Variants in AOPEP observed in about 807,000 individuals in gnomAD.
AOPEP encodes the protein aminopeptidase O.
A neutral mutation model predicts 98.1 loss-of-function variants in AOPEP; 77 were observed. The ratio of observed to expected loss-of-function variants is 0.78; its 90% CI spans 0.65 to 0.95. AOPEP has a LOEUF of 0.95. Ranked by LOEUF, AOPEP falls within the 40% of genes least tolerant of loss-of-function variation. The pLI is 0.00. For missense variants in AOPEP, 1,024 were observed against 1,024.7 expected (o/e 1.00, Z 0.01); for synonymous variants, 346 against 365.3 (o/e 0.95, Z 0.60).
At chr9:95,096,431 T>G in the AOPEP span, among the ~76,000 whole-genome samples, 1 of 151,248 alleles carries the variant, frequency 6.6e-6, no homozygotes, top group East Asian at 2.0e-4. Flanking sequence ...GGGGAGCTGG[T>G]GGGTGCGGGA....
intron 3 of AOPEP, among the ~76,000 whole-genome samples, chr9:94,785,298 A>T (rs1382190158): frequency 6.6e-6 from 1 of 152,252 alleles, no homozygotes; most frequent in African/African-American, 2.4e-5. Flanking sequence ...GTTCTGTTAT[A>T]GCTGCAAAAA....
At chr9:95,114,471 T>A in the AOPEP span, 2 of 750,064 alleles carry the variant, frequency 2.7e-6, no homozygotes, top group Non-Finnish European at 4.8e-6. Flanking sequence ...CGTGCAGCCA[T>A]GCGCTTCCTC....
At chr9:95,119,694 AAAG>A in the AOPEP span, among the ~76,000 whole-genome samples, 1 of 151,642 alleles carries the variant, frequency 6.6e-6, no homozygotes, top group Admixed American at 6.6e-5. Context: ...GATATCTATC[AAAG>A]AATAGAAATT....
rs1010607796 is a variant in AOPEP, at chr9:94,896,912, T to G, written c.1365-27074T>G. Among the ~76,000 whole-genome samples, 56 of 4,848 alleles carry G rather than the reference T, an allele frequency of 0.012. No homozygotes were observed. The South Asian group carries it at 0.17, about 14-fold the overall frequency. 3.2% of individuals were successfully genotyped at this position (4,848 alleles called of 152,430 possible). A position where few individuals can be genotyped will look rare whatever the true frequency, so the allele number is the denominator to read the frequency against. On this transcript the variant is annotated intron_variant, in intron 5 of 16. Coordinates refer to ENST00000375315, the MANE Select transcript of AOPEP (RefSeq NM_001193329.3). ...GACAAATGTCTCAACTTTTGTGGGT[T>G]TTTTTTTTTTTTTTTGGTTTTTGGT... is the stretch of plus-strand genomic sequence containing the variant.
At chr9:94,742,438 CT>C (rs764049492) in intron 1 of AOPEP, among the ~76,000 whole-genome samples, 449 of 143,920 alleles carry the variant, frequency 3.1e-3, no homozygotes, top group Non-Finnish European at 3.0e-3. Context: ...TATATTAATT[CT>C]TTTTTTTTTT....
chr9:94,740,076 A>T (rs1448668757), intron 1 of AOPEP, among the ~76,000 whole-genome samples: 4 of 152,194 alleles, frequency 2.6e-5, no homozygotes, highest in Admixed American at 2.6e-4. Flanking sequence ...ACACAGGGCC[A>T]TATGAGGAAG....
chr9:95,133,312 C>T, the AOPEP span, among the ~76,000 whole-genome samples: 3 of 152,234 alleles, frequency 2.0e-5, no homozygotes, highest in Non-Finnish European at 4.4e-5. Flanking sequence ...CCATGAGGCA[C>T]AGAGAGGTCA....
intron 3 of AOPEP, among the ~76,000 whole-genome samples, chr9:94,789,609 G>A (rs984714082): frequency 6.6e-6 from 1 of 152,206 alleles, no homozygotes; most frequent in African/African-American, 2.4e-5. Context: ...AGTCATGGGA[G>A]ACATTGGGTT....
intron 4 of AOPEP, among the ~76,000 whole-genome samples, chr9:94,797,409 A>G (rs1847214278): frequency 6.6e-6 from 1 of 150,922 alleles, no homozygotes; most frequent in African/African-American, 2.4e-5. Flanking sequence ...TCAGCCTGGC[A>G]ATAGAGCAAG....
At chr9:95,090,849 A>G (rs1335496339), downstream of AOPEP, among the ~76,000 whole-genome samples, 1 of 152,224 alleles carries the variant, frequency 6.6e-6, no homozygotes, top group African/African-American at 2.4e-5. Flanking sequence ...ATTTATGTTT[A>G]TTGGAATTTC....
chr9:94,777,732 C>G (rs1370698075), intron 3 of AOPEP, among the ~76,000 whole-genome samples: 1 of 145,300 alleles, frequency 6.9e-6, no homozygotes, highest in Non-Finnish European at 1.5e-5. Context: ...TTCCCGGGCT[C>G]AAGCGATTCT....
intron 5 of AOPEP, among the ~76,000 whole-genome samples, chr9:94,872,636 T>C (rs2046473130): frequency 6.6e-6 from 1 of 152,336 alleles, no homozygotes; most frequent in South Asian, 2.1e-4. Context: ...TATCCCCAAA[T>C]GAGGCAATAA....
At chr9:94,995,997 C>G (rs1323704681) in intron 11 of AOPEP, among the ~76,000 whole-genome samples, 1 of 151,408 alleles carries the variant, frequency 6.6e-6, no homozygotes, top group Non-Finnish European at 1.5e-5. Context: ...TTCACATTCC[C>G]CGGCTCCCAC....
intron 5 of AOPEP, among the ~76,000 whole-genome samples, chr9:94,908,684 T>G (rs2051543089): frequency 1.3e-5 from 2 of 151,968 alleles, no homozygotes; most frequent in Admixed American, 1.3e-4. Flanking sequence ...AAACCAGACC[T>G]CCCATAAACC....
the AOPEP span, chr9:95,126,487 C>G: frequency 1.3e-6 from 2 of 1,584,440 alleles, no homozygotes; most frequent in African/African-American, 1.3e-5. Context: ...GAAATGGAAC[C>G]TTTTTTACAT....
chr9:95,089,472 CTGCCAAGTG>C (rs1040927560), downstream of AOPEP, among the ~76,000 whole-genome samples: 1 of 152,234 alleles, frequency 6.6e-6, no homozygotes, highest in Non-Finnish European at 1.5e-5. Flanking sequence ...GTGGATTCAT[CTGCCAAGTG>C]GCAGGGTTTG....
intron 5 of AOPEP, among the ~76,000 whole-genome samples, chr9:94,847,163 C>CTCTCTCTCTCTCTCTGTCTCTG (rs2042970988): frequency 8.4e-5 from 1 of 11,850 alleles, no homozygotes; most frequent in Admixed American, 9.0e-4. Context: ...CTCTCTCTGT[C>CTCTCTCTCTCTCTCTGTCTCTG]TCTCTCTCTC....
intron 13 of AOPEP, among the ~76,000 whole-genome samples, chr9:95,009,303 A>G (rs1437868184): frequency 2.6e-5 from 4 of 152,194 alleles, no homozygotes; most frequent in African/African-American, 9.6e-5. Context: ...CATATAATAT[A>G]AAGATTTAGT....
chr9:94,778,889 C>T lies in AOPEP; in HGVS notation c.964+5721C>T, dbSNP rs566252000. Among the ~76,000 whole-genome samples the T allele has an allele frequency of 8.6e-5, 13 of 152,032 alleles. No individual in the cohort carries two copies. The South Asian group carries it at 2.3e-3, about 27-fold the overall frequency. ...CAAAAATACAAAAAAATTAGCTGGG[C>T]GTGGTGGTACACGGCTGTAATCCCA... On this transcript the variant is annotated intron_variant, in intron 3 of 16. Transcript: ENST00000375315.
Sources: gnomAD v4.1 joint callset for allele counts (sites outside exome capture counted in the v4.1 genomes callset) on GRCh38, gnomAD v4.1.1 for gene constraint, MANE v1.5 for transcripts, NCBI Gene and HGNC (gene_info 2026-07-23, HGNC 2026-07-21) for gene names.